The following DGKG variants were observed in gnomAD, a reference collection of about 807,000 sequenced individuals.
DGKG encodes DAG kinase gamma.
A neutral mutation model predicts 105.3 loss-of-function variants in DGKG; 78 were observed. The ratio of observed to expected loss-of-function variants is 0.74; its 90% CI spans 0.62 to 0.89. DGKG has a LOEUF of 0.89. DGKG is among the 40% of genes least tolerant of loss of function. DGKG has a pLI of 0.00. For missense variants in DGKG, 958 were observed against 1,020.1 expected, an observed-to-expected ratio of 0.94 and a Z score of 0.83; for synonymous variants, 346 against 367.1, an observed-to-expected ratio of 0.94 and a Z score of 0.66.
Position 186,241,772 on chromosome 3 carries a change from A to G in DGKG, c.1826+732T>C, listed in dbSNP as rs911686763. Among the ~76,000 whole-genome samples, 139 of 152,348 alleles carry G rather than the reference A, an allele frequency of 9.1e-4. 1 individual carries two copies. Among genetic ancestry groups the G allele is most frequent in the African/African-American group, 3.2e-3 (135 of 41,586 alleles). On this transcript the variant is annotated intron_variant, in intron 20 of 24. Coordinates refer to ENST00000265022, the MANE Select transcript of DGKG (RefSeq NM_001346.3). ...AAAATTGACTAATGAGAAGATACAG[A>G]CAAAGAAGGAAAGAGGGAGAAAGGG...
chr3:186,233,130 AGATAGAGTTT>A (rs1720233472), intron 20 of DGKG, among the ~76,000 whole-genome samples: 1 of 152,184 alleles, frequency 6.6e-6, no homozygotes, highest in South Asian at 2.1e-4. Context: ...TTAAGGTTGC[AGATAGAGTTT>A]AAGTTGCCAG....
intron 21 of DGKG, among the ~76,000 whole-genome samples, chr3:186,199,538 A>T (rs980626883): frequency 2.6e-5 from 4 of 151,888 alleles, no homozygotes; most frequent in Non-Finnish European, 4.4e-5. Context: ...TTTGAGACAG[A>T]GTCTTGCTCT....
intron 24 of DGKG, chr3:186,160,194 G>T: frequency 4.1e-6 from 4 of 985,362 alleles, no homozygotes; most frequent in Non-Finnish European, 4.8e-6. Flanking sequence ...TCTCTAAAGG[G>T]TGGTATGGAG....
chr3:186,250,213 T>C (rs997534153), intron 19 of DGKG, among the ~76,000 whole-genome samples: 2 of 152,082 alleles, frequency 1.3e-5, no homozygotes, highest in African/African-American at 4.8e-5. Context: ...TCTAGCACTG[T>C]GGAGAGCACA....
rs976311517 is a variant in DGKG, at chr3:186,307,813, G to T, written c.68-836C>A. ...AACCCCATAAGGCTCTGTCCTTGGT[G>T]CTGAAACACTGTTGTACACTATGGC... On this transcript the variant is annotated intron_variant, in intron 2 of 24. Transcript: ENST00000265022. 3.3e-5 allele frequency among the ~76,000 whole-genome samples: 5 copies of T among 151,482 alleles called. No individual in the cohort carries two copies. The South Asian group carries it at 6.2e-4, about 19-fold the overall frequency.
intron 19 of DGKG, among the ~76,000 whole-genome samples, chr3:186,249,260 T>C (rs2108560038): frequency 6.6e-6 from 1 of 152,152 alleles, no homozygotes. Flanking sequence ...ACCCCTAAAC[T>C]TGCTCCCAGT....
chr3:186,265,721 G>A (rs140770144), intron 13 of DGKG, among the ~76,000 whole-genome samples: 264 of 144,486 alleles, frequency 1.8e-3, no homozygotes, highest in African/African-American at 6.4e-3. Context: ...GGAGTGCAGT[G>A]GTGTGATCTC....
intron 19 of DGKG, among the ~76,000 whole-genome samples, chr3:186,248,086 C>G (rs1369845102): frequency 6.6e-6 from 1 of 151,888 alleles, no homozygotes; most frequent in Non-Finnish European, 1.5e-5. Flanking sequence ...AGTCTTGGCT[C>G]TTGGGTTTAG....
chr3:186,207,164 T>G (rs993366490), intron 21 of DGKG, among the ~76,000 whole-genome samples: 1 of 152,190 alleles, frequency 6.6e-6, no homozygotes, highest in Non-Finnish European at 1.5e-5. Context: ...GCATCTAGGG[T>G]GAACGTTTGC....
chr3:186,290,380 T>C (rs1723260125), intron 5 of DGKG, among the ~76,000 whole-genome samples: 1 of 152,202 alleles, frequency 6.6e-6, no homozygotes, highest in African/African-American at 2.4e-5. Context: ...TGTAGTGCAT[T>C]ACACCCAAAG....
chr3:186,343,491 C>T (rs1385361402), intron 1 of DGKG, among the ~76,000 whole-genome samples: 1 of 152,032 alleles, frequency 6.6e-6, no homozygotes, highest in Non-Finnish European at 1.5e-5. Flanking sequence ...CGGGATTTCA[C>T]CATGTTGCCC....
intron 21 of DGKG, among the ~76,000 whole-genome samples, chr3:186,191,468 G>C (rs1717903844): frequency 6.6e-6 from 1 of 152,156 alleles, no homozygotes; most frequent in African/African-American, 2.4e-5. Flanking sequence ...ACACCTACAG[G>C]CTTGTCCAGC....
chr3:186,301,978 C>A (rs746541024), intron 3 of DGKG, among the ~76,000 whole-genome samples: 2 of 152,154 alleles, frequency 1.3e-5, no homozygotes, highest in East Asian at 3.9e-4. Context: ...CTGAGCAACC[C>A]TCCATGCACT....
chr3:186,310,747 C>G (rs987495752), intron 2 of DGKG, among the ~76,000 whole-genome samples: 1 of 152,158 alleles, frequency 6.6e-6, no homozygotes, highest in Non-Finnish European at 1.5e-5. Context: ...ACACCTTGTT[C>G]CATTTCTGCC....
intron 22 of DGKG, among the ~76,000 whole-genome samples, chr3:186,184,928 A>G (rs1375635057): frequency 6.6e-6 from 1 of 152,214 alleles, no homozygotes; most frequent in East Asian, 1.9e-4. Context: ...GAAGGTAGAA[A>G]TTTGAATATA....
chr3:186,330,697 G>A (rs1725559544), intron 1 of DGKG, among the ~76,000 whole-genome samples: 1 of 152,172 alleles, frequency 6.6e-6, no homozygotes, highest in South Asian at 2.1e-4. Flanking sequence ...CAAGATGTAA[G>A]ACCCCAGTCA....
chr3:186,254,765 G>T (rs1721385327), intron 17 of DGKG, among the ~76,000 whole-genome samples: 2 of 152,034 alleles, frequency 1.3e-5, no homozygotes, highest in Non-Finnish European at 2.9e-5. Flanking sequence ...CACCCTCCTA[G>T]TGTGTCACCC....
At position 186,296,674 on chromosome 3, in the gene DGKG, G is replaced by A. The variant is rs533388329; in HGVS notation, c.373+747C>T. 2.6e-4 allele frequency among the ~76,000 whole-genome samples: 39 copies of A among 152,310 alleles called. 1 individual carries two copies. Among genetic ancestry groups the A allele is most frequent in the African/African-American group, 8.9e-4 (37 of 41,570 alleles). Reference sequence around the variant, plus strand: ...AACCAACCACACCACCAGGACCACTGTGTCCTCTCTCTCTATAGGAAAGAC... The same window carrying A: ...AACCAACCACACCACCAGGACCACTATGTCCTCTCTCTCTATAGGAAAGAC... On this transcript the variant is annotated intron_variant, in intron 5 of 24. Transcript: ENST00000265022.
chr3:186,171,015 A>G (rs1298072069), intron 22 of DGKG, among the ~76,000 whole-genome samples: 1 of 152,166 alleles, frequency 6.6e-6, no homozygotes, highest in African/African-American at 2.4e-5. Flanking sequence ...AACAAAAACA[A>G]TGTTCAAGTT....
Sources: gnomAD v4.1 joint callset for allele counts (sites outside exome capture counted in the v4.1 genomes callset) on GRCh38, gnomAD v4.1.1 for gene constraint, MANE v1.5 for transcripts, NCBI Gene and HGNC (gene_info 2026-07-23, HGNC 2026-07-21) for gene names.